The following LAP3 variants were observed in gnomAD, a reference collection of about 807,000 sequenced individuals.
LAP3 encodes cytosol aminopeptidase.
In LAP3, 46 loss-of-function variants were observed where a neutral mutation model predicts 58.8. That is an observed-to-expected ratio of 0.78 (90% CI 0.62 to 1.00). The LOEUF is 1.00. Among genes scored for constraint, LAP3 ranks in the 50% least tolerant of loss-of-function variants. LAP3 has a pLI of 0.00. For missense variants in LAP3, 615 were observed against 659.1 expected, an observed-to-expected ratio of 0.93 and a Z score of 0.73; for synonymous variants, 257 against 237.7, an observed-to-expected ratio of 1.08 and a Z score of -0.75.
chr4:17,604,009 CG>C (rs1445333934), intron 10 of LAP3, among the ~76,000 whole-genome samples: 1 of 151,698 alleles, frequency 6.6e-6, no homozygotes, highest in Admixed American at 6.6e-5. Context: ...TTAGTAGAGA[CG>C]GGGTTTCTAC....
intron 10 of LAP3, among the ~76,000 whole-genome samples, chr4:17,600,634 C>T (rs764524948): frequency 5.9e-5 from 9 of 152,096 alleles, no homozygotes; most frequent in Admixed American, 5.2e-4. Context: ...CCTACGTAAG[C>T]AAGGGTGACC....
At chr4:17,589,728 G>A (rs1713630830) in intron 7 of LAP3, among the ~76,000 whole-genome samples, 1 of 152,166 alleles carries the variant, frequency 6.6e-6, no homozygotes, top group East Asian at 1.9e-4. Context: ...CAAAGTGCTG[G>A]GGTTATAGGT....
At chr4:17,582,152 C>G in intron 3 of LAP3, 136 bp from the exon 4 acceptor site, 1 of 716,024 alleles carries the variant, frequency 1.4e-6, no homozygotes, top group Non-Finnish European at 2.3e-6. Flanking sequence ...AACCAAATTT[C>G]ACCGTGCGTT....
At chr4:17,606,732 T>G (rs1314243427) in intron 11 of LAP3, 97 bp from the exon 12 acceptor site, 1 of 706,904 alleles carries the variant, frequency 1.4e-6, no homozygotes, top group Admixed American at 2.6e-5. Context: ...AGTAACAGGT[T>G]AGAACAACTC....
intron 12 of LAP3, 66 bp from the exon 13 acceptor site, chr4:17,607,334 C>T: frequency 6.9e-7 from 1 of 1,439,110 alleles, no homozygotes; most frequent in Non-Finnish European, 9.5e-7. Flanking sequence ...ATGTACTTAG[C>T]AAAAATGTGG....
In LAP3 at chr4:17,607,555, A is replaced by C; in HGVS notation, c.1526A>C (p.Glu509Ala). 6.2e-7 allele frequency: 1 copy of C among 1,613,486 alleles called. No individual in the cohort carries two copies. Among genetic ancestry groups the C allele is most frequent in the Non-Finnish European group, 8.5e-7 (1 of 1,179,894 alleles). The change falls in exon 13 of 13, where the codon GAG becomes GCG. Residue 509 changes from glutamate to alanine, a missense_variant. Physicochemically the swap from Glu to Ala is moderately radical, Grantham distance 107. Coordinates refer to ENST00000226299, the MANE Select transcript of LAP3 (RefSeq NM_015907.3). ...MTGRPTRTLI[E>A]FLLRFSQDNA The stretch of plus-strand genomic sequence containing the variant: ...GGGAGGCCCACAAGGACTCTCATTG[A>C]GTTCTTACTTCGTTTCAGTCAAGAC...
intron 5 of LAP3, 111 bp downstream of exon 5, chr4:17,583,753 C>T: frequency 8.8e-7 from 1 of 1,136,924 alleles, no homozygotes; most frequent in South Asian, 1.4e-5. Flanking sequence ...CGTGGCTTGG[C>T]TGTGACCTCC....
intron 7 of LAP3, among the ~76,000 whole-genome samples, chr4:17,592,795 T>C (rs1713719919): frequency 6.6e-6 from 1 of 152,258 alleles, no homozygotes; most frequent in African/African-American, 2.4e-5. Context: ...ATTTCTCTAG[T>C]GACTAATGAA....
Position 17,583,497 on chromosome 4 carries a change from A to G in LAP3, c.394A>G (p.Ile132Val). Residue 132 changes from isoleucine to valine, a missense_variant, in exon 5 of 13, where the codon ATT (isoleucine) becomes GTT (valine). Physicochemically the swap from Ile to Val is conservative, Grantham distance 29. Coordinates refer to ENST00000226299, the MANE Select transcript of LAP3 (RefSeq NM_015907.3). Reference sequence around the variant, plus strand: ...GTCTTTTCAAGCGGGGTGCAGGCAGATTCAAGACCTGGAGCTCTCGTCTGT... The same window carrying G: ...GTCTTTTCAAGCGGGGTGCAGGCAGGTTCAAGACCTGGAGCTCTCGTCTGT... ...RAAVAAGCRQ[I>V]QDLELSSVEV... The G allele has an allele frequency of 6.2e-7, 1 of 1,613,930 alleles. No individual in the cohort carries two copies. The highest frequency in any genetic ancestry group is 1.1e-5 in the South Asian group (1 of 91,072).
rs1006460950 is a variant in LAP3 at position 17,577,702 on chromosome 4, C to A, written c.102+135C>A. The A allele has an allele frequency of 8.9e-5, 60 of 672,920 alleles. 1 individual carries two copies. In the East Asian group the frequency reaches 1.7e-3, roughly 20 times the overall value. The allele number at this position is 672,920 out of a possible 1,614,324, so 41.7% of individuals were successfully genotyped here. A position where few individuals can be genotyped will look rare whatever the true frequency, so the allele number is the denominator to read the frequency against. ...CAAAAATCAGTTTAAAAGAAAAATT[C>A]TCTCCTTGCGGGGATCGGCCTAGGC... On this transcript the variant is annotated intron_variant, in intron 1 of 12. Coordinates refer to ENST00000226299, the MANE Select transcript of LAP3 (RefSeq NM_015907.3).
At chr4:17,582,561 G>A in intron 4 of LAP3, 168 bp downstream of exon 4, 1 of 590,328 alleles carries the variant, frequency 1.7e-6, no homozygotes, top group Non-Finnish European at 3.1e-6. Context: ...TTGGCCTTAT[G>A]ATAAATACAG....
chr4:17,587,087 CAG>C (rs1368518583), intron 6 of LAP3, among the ~76,000 whole-genome samples: 1 of 152,172 alleles, frequency 6.6e-6, no homozygotes, highest in African/African-American at 2.4e-5. Flanking sequence ...GCCTGGGCGA[CAG>C]AGAGACACTG....
chr4:17,589,793 G>T (rs1421473990), intron 7 of LAP3, among the ~76,000 whole-genome samples: 2 of 152,198 alleles, frequency 1.3e-5, no homozygotes, highest in Non-Finnish European at 2.9e-5. Flanking sequence ...CATGCACTTT[G>T]CTTGTCCTCT....
At chr4:17,583,406 C>G (rs779686488) in intron 4 of LAP3, 77 bp from the exon 5 acceptor site, 55 of 1,520,292 alleles carry the variant, frequency 3.6e-5, no homozygotes, top group Admixed American at 7.0e-5. Context: ...CTCAGCACAT[C>G]ACATCATGCC....
intron 3 of LAP3, 41 bp from the exon 4 acceptor site, chr4:17,582,247 G>T: frequency 1.3e-6 from 2 of 1,508,172 alleles, no homozygotes; most frequent in Non-Finnish European, 1.8e-6. Context: ...ATGAATGCTT[G>T]AAAGAAATAA....
At chr4:17,606,977 C>T in intron 12 of LAP3, 39 bp downstream of exon 12, 1 of 1,291,160 alleles carries the variant, frequency 7.7e-7, no homozygotes, top group Non-Finnish European at 1.1e-6. Flanking sequence ...ATACAATCAT[C>T]CTTGATTGCC....
rs770364919 is a variant in LAP3, at chr4:17,577,431, C to T, written c.-35C>T. ...GCCCGCCCACCGCTCTCCACGTGCT[C>T]GCTGGAGGGCGGTGCGAGGGGCCGA... is the stretch of plus-strand genomic sequence containing the variant. On this transcript the variant is annotated 5_prime_UTR_variant, in exon 1 of 13. Transcript: ENST00000226299. The T allele has an allele frequency of 6.7e-7, 1 of 1,484,556 alleles. No individual in the cohort carries two copies. The highest frequency in any genetic ancestry group is 9.1e-7 in the Non-Finnish European group (1 of 1,104,454). The allele number at this position is 1,484,556 out of a possible 1,614,324, so 92.0% of individuals were successfully genotyped here. A position where few individuals can be genotyped will look rare whatever the true frequency, so the allele number is the denominator to read the frequency against.
At chr4:17,580,078 A>G (rs529313422) in intron 2 of LAP3, 139 bp downstream of exon 2, 7 of 446,524 alleles carry the variant, frequency 1.6e-5, no homozygotes, top group East Asian at 1.2e-4. Flanking sequence ...ACTCACTTCA[A>G]CCTCTGCCTC....
chr4:17,580,844 A>G (rs962663904), intron 2 of LAP3, among the ~76,000 whole-genome samples: 1 of 152,228 alleles, frequency 6.6e-6, no homozygotes, highest in Admixed American at 6.5e-5. Flanking sequence ...ACATGGAAGT[A>G]TCCATGTAAA....
Sources: gnomAD v4.1 joint callset for allele counts (sites outside exome capture counted in the v4.1 genomes callset) on GRCh38, gnomAD v4.1.1 for gene constraint, MANE v1.5 for transcripts, NCBI Gene and HGNC (gene_info 2026-07-23, HGNC 2026-07-21) for gene names.